The following GRIK1 variants were observed in gnomAD, a reference collection of about 807,000 sequenced individuals.
The protein encoded by GRIK1 is glutamate receptor ionotropic, kainate 1.
Under a neutral mutation model 105.7 loss-of-function variants are expected in GRIK1, and 69 were observed. The ratio of observed to expected loss-of-function variants is 0.65; its 90% CI spans 0.54 to 0.80. The LOEUF is 0.80. GRIK1 is among the 30% of genes least tolerant of loss of function. GRIK1 has a pLI of 0.00. For synonymous variants in GRIK1, 438 were observed against 431.3 expected (o/e 1.02, Z -0.19); for missense variants, 1,109 against 1,167.3 (o/e 0.95, Z 0.73).
At chr21:29,638,860 C>T (rs769537224) in intron 7 of GRIK1, among the ~76,000 whole-genome samples, 6 of 152,112 alleles carry the variant, frequency 3.9e-5, no homozygotes, top group African/African-American at 9.7e-5. Context: ...AAATATTTTG[C>T]TAGGCTATAC....
intron 1 of GRIK1, among the ~76,000 whole-genome samples, chr21:29,893,049 A>G (rs900898946): frequency 1.3e-5 from 2 of 152,204 alleles, no homozygotes; most frequent in South Asian, 2.1e-4. Flanking sequence ...ACACACGCCT[A>G]TAGTTCCTAC....
chr21:29,773,239 G>A (rs550175797), intron 1 of GRIK1, among the ~76,000 whole-genome samples: 1 of 152,194 alleles, frequency 6.6e-6, no homozygotes, highest in Non-Finnish European at 1.5e-5. Context: ...TTCTGCAAGC[G>A]AGAGGACTGG....
At chr21:29,729,201 C>T (rs554778582) in intron 1 of GRIK1, among the ~76,000 whole-genome samples, 4 of 152,232 alleles carry the variant, frequency 2.6e-5, no homozygotes, top group Admixed American at 1.3e-4. Flanking sequence ...CTCTGGCCAT[C>T]GAGTCTAGAG....
intron 11 of GRIK1, among the ~76,000 whole-genome samples, chr21:29,587,961 A>ATTTT (rs1555842114): frequency 3.7e-5 from 3 of 81,834 alleles, no homozygotes; most frequent in African/African-American, 5.5e-5. Context: ...AAACTTTAAA[A>ATTTT]TTCTTTTTTT....
chr21:29,585,216 G>C (rs2091104547), intron 12 of GRIK1, among the ~76,000 whole-genome samples: 1 of 152,168 alleles, frequency 6.6e-6, no homozygotes, highest in African/African-American at 2.4e-5. Context: ...GATGGTGGTA[G>C]TGGGGGTACT....
intron 7 of GRIK1, among the ~76,000 whole-genome samples, chr21:29,603,333 G>A (rs363428): frequency 0.54 from 82,486 of 151,446 alleles, 25,789 homozygotes; most frequent in African/African-American, 0.87. Flanking sequence ...CCCAAGTACT[G>A]TAACACATAA....
At chr21:29,568,795 A>C (rs572622250) in intron 14 of GRIK1, among the ~76,000 whole-genome samples, 16 of 152,308 alleles carry the variant, frequency 1.1e-4, no homozygotes, top group African/African-American at 3.8e-4. Flanking sequence ...CTGTATTGCT[A>C]TTCAGATCTT....
In GRIK1 at chr21:29,860,684, G is replaced by A. The variant is rs182119913; in HGVS notation, c.118+78699C>T. Among the ~76,000 whole-genome samples, 5 of 152,292 alleles carry A rather than the reference G, an allele frequency of 3.3e-5. No homozygotes were observed. In the East Asian group the frequency reaches 9.6e-4, roughly 29 times the overall value. On this transcript the variant is annotated intron_variant, in intron 1 of 17. Transcript: ENST00000327783. Reference sequence around the variant, plus strand: ...GCTGAGACATGAGTGTAATTTGGAGGAGAGTTAGATAATTATTGCATCGTT... The same window carrying A: ...GCTGAGACATGAGTGTAATTTGGAGAAGAGTTAGATAATTATTGCATCGTT...
intron 16 of GRIK1, among the ~76,000 whole-genome samples, chr21:29,547,517 T>A (rs970228331): frequency 6.6e-6 from 1 of 152,186 alleles, no homozygotes; most frequent in Non-Finnish European, 1.5e-5. Context: ...GAAACTGAGG[T>A]TGAGGGAAGT....
intron 1 of GRIK1, among the ~76,000 whole-genome samples, chr21:29,794,406 C>G (rs2066502023): frequency 6.6e-6 from 1 of 152,200 alleles, no homozygotes; most frequent in Admixed American, 6.5e-5. Context: ...AACATTATCT[C>G]ACTTTTAAAA....
At chr21:29,935,401 GAAGT>G (rs573767910) in intron 1 of GRIK1, among the ~76,000 whole-genome samples, 1,578 of 152,260 alleles carry the variant, frequency 0.01, 27 homozygotes, top group African/African-American at 0.036. Flanking sequence ...TCATGCTAGG[GAAGT>G]AAGAACTCAA....
chr21:29,873,092 G>C (rs558401281), intron 1 of GRIK1, among the ~76,000 whole-genome samples: 6 of 152,242 alleles, frequency 3.9e-5, no homozygotes, highest in African/African-American at 1.4e-4. Context: ...AGAGAATTTG[G>C]AAGTACAGGA....
chr21:29,626,829 C>T (rs969992953), intron 7 of GRIK1, among the ~76,000 whole-genome samples: 1 of 152,190 alleles, frequency 6.6e-6, no homozygotes. Flanking sequence ...GAACCTCTGG[C>T]AAGGAGTCTT....
chr21:29,776,938 G>A (rs148998281), intron 1 of GRIK1, among the ~76,000 whole-genome samples: 16 of 152,216 alleles, frequency 1.1e-4, no homozygotes, highest in African/African-American at 2.4e-4. Flanking sequence ...TCTGTCTACC[G>A]AGGATGTCAG....
intron 16 of GRIK1, chr21:29,553,828 CAT>C: frequency 1.6e-6 from 1 of 644,856 alleles, no homozygotes; most frequent in Non-Finnish European, 2.6e-6. Flanking sequence ...ATTAAAGCAT[CAT>C]ATATACAAGC....
At chr21:29,857,299 C>G (rs545818717) in intron 1 of GRIK1, among the ~76,000 whole-genome samples, 1 of 152,280 alleles carries the variant, frequency 6.6e-6, no homozygotes, top group South Asian at 2.1e-4. Flanking sequence ...CCACAATGGA[C>G]CTGTCTGACT....
intron 3 of GRIK1, among the ~76,000 whole-genome samples, chr21:29,680,689 G>T (rs1367613250): frequency 6.6e-6 from 1 of 152,212 alleles, no homozygotes; most frequent in Non-Finnish European, 1.5e-5. Flanking sequence ...GTACCATCCT[G>T]CTCTGTCCAC....
rs1247669622 is a variant in GRIK1 at position 29,560,349 on chromosome 21, TTCTTTCTTTTTC to T, written c.2356+1263_2356+1274del. ...TTTCTTTCTTTCTTTCTTTCTTTCT[TTCTTTCTTTTTC>T]TTTCTTCCTTCCTTCCTTCCTTCCT... On this transcript the variant is annotated intron_variant, in intron 15 of 17. Transcript: ENST00000327783. Among the ~76,000 whole-genome samples, 116 of 105,394 alleles carry T rather than the reference TTCTTTCTTTTTC, an allele frequency of 1.1e-3. 1 individual carries two copies. The highest frequency in any genetic ancestry group is 4.3e-3 in the Middle Eastern group (1 of 230). The allele number at this position is 105,394 out of a possible 152,430, so 69.1% of individuals were successfully genotyped here. A position where few individuals can be genotyped will look rare whatever the true frequency, so the allele number is the denominator to read the frequency against.
intron 1 of GRIK1, among the ~76,000 whole-genome samples, chr21:29,778,313 G>T (rs957837721): frequency 1.3e-5 from 2 of 152,156 alleles, no homozygotes; most frequent in African/African-American, 2.4e-5. Flanking sequence ...ACAGGATAAA[G>T]CCGATTTGTT....
Sources: allele counts gnomAD v4.1 joint callset (sites outside exome capture counted in the v4.1 genomes callset), GRCh38; gene constraint gnomAD v4.1.1; transcripts MANE v1.5; gene names NCBI Gene and HGNC (gene_info 2026-07-23, HGNC 2026-07-21).